Variants in AOAH observed in about 807,000 individuals in gnomAD.
The protein encoded by AOAH is acyloxyacyl hydrolase.
Under a neutral mutation model 92.2 loss-of-function variants are expected in AOAH, and 64 were observed. The ratio of observed to expected loss-of-function variants is 0.69; its 90% CI spans 0.57 to 0.86. AOAH has a LOEUF of 0.86. Among genes scored for constraint, AOAH ranks in the 40% least tolerant of loss-of-function variants. AOAH has a pLI of 0.00. For synonymous variants in AOAH, 263 were observed against 254.5 expected, an observed-to-expected ratio of 1.03 and a Z score of -0.32; for missense variants, 656 against 694.6, an observed-to-expected ratio of 0.94 and a Z score of 0.62.
chr7:36,595,370 C>CA lies in AOAH; in HGVS notation c.847-941dup, dbSNP rs1428224325. ...GCAACATAGTTAAAATTGGTTTCTACAAAAAATAACAAATTTGCTAGGTAT... is the reference window on the plus strand; with the variant it reads ...GCAACATAGTTAAAATTGGTTTCTACAAAAAAATAACAAATTTGCTAGGTAT... On this transcript the variant is annotated intron_variant, in intron 11 of 20. Coordinates refer to ENST00000617537, the MANE Select transcript of AOAH (RefSeq NM_001637.4). Among the ~76,000 whole-genome samples, 4 of 152,128 alleles carry CA rather than the reference C, an allele frequency of 2.6e-5. No homozygotes were observed. In the South Asian group the frequency reaches 6.2e-4, roughly 24 times the overall value.
In AOAH at chr7:36,513,077, G is replaced by A. The variant is rs753596877; in HGVS notation, c.*175C>T. ...GGGTTACTGATCCCGGGAGCACACA[G>A]CATTGCACAGTCGTCCAGATATGCT... On this transcript the variant is annotated 3_prime_UTR_variant, in exon 21 of 21. Transcript: ENST00000617537. 2 of 1,563,442 alleles carry A rather than the reference G, an allele frequency of 1.3e-6. No individual in the cohort carries two copies. The highest frequency in any genetic ancestry group is 1.1e-5 in the South Asian group (1 of 87,080).
chr7:36,543,935 C>CTTTT (rs778278144), intron 15 of AOAH, among the ~76,000 whole-genome samples: 2 of 92,326 alleles, frequency 2.2e-5, no homozygotes, highest in African/African-American at 4.3e-5. Flanking sequence ...TTTCTTTTTT[C>CTTTT]TTTCTTTCTT....
chr7:36,645,639 C>A (rs951935005), intron 4 of AOAH, among the ~76,000 whole-genome samples: 3 of 152,104 alleles, frequency 2.0e-5, no homozygotes, highest in Non-Finnish European at 2.9e-5. Context: ...CCTACAGTGG[C>A]AATTTTCCAA....
At chr7:36,694,859 T>TG (rs1797616754) in intron 1 of AOAH, among the ~76,000 whole-genome samples, 1 of 152,038 alleles carries the variant, frequency 6.6e-6, no homozygotes, top group African/African-American at 2.4e-5. Flanking sequence ...AGTGGATGGA[T>TG]AGATTGATGG....
At chr7:36,572,706 A>G (rs1788222317) in intron 13 of AOAH, among the ~76,000 whole-genome samples, 1 of 152,200 alleles carries the variant, frequency 6.6e-6, no homozygotes, top group Admixed American at 6.5e-5. Context: ...AAGCTCAGGT[A>G]TGTACCGTTC....
At chr7:36,531,770 G>A (rs749123589) in intron 18 of AOAH, among the ~76,000 whole-genome samples, 6 of 152,196 alleles carry the variant, frequency 3.9e-5, no homozygotes, top group Non-Finnish European at 8.8e-5. Context: ...GAGAACTTCT[G>A]TCATGCATAG....
chr7:36,654,830 A>ACTT (rs1794782434), intron 4 of AOAH, among the ~76,000 whole-genome samples: 1 of 152,144 alleles, frequency 6.6e-6, no homozygotes, highest in South Asian at 2.1e-4. Flanking sequence ...GAGAATTTGG[A>ACTT]CTTTTAAGAA....
intron 12 of AOAH, among the ~76,000 whole-genome samples, chr7:36,580,642 T>C (rs1248792024): frequency 3.3e-5 from 5 of 152,246 alleles, no homozygotes. Flanking sequence ...AGATGTGTGA[T>C]GATCCTGGGT....
intron 2 of AOAH, among the ~76,000 whole-genome samples, chr7:36,681,790 G>T (rs933556476): frequency 3.3e-5 from 5 of 152,156 alleles, no homozygotes; most frequent in African/African-American, 1.2e-4. Flanking sequence ...GACAGAGCAA[G>T]ACTCTGTCTC....
intron 9 of AOAH, among the ~76,000 whole-genome samples, chr7:36,618,710 C>T (rs73107131): frequency 0.055 from 8,422 of 152,226 alleles, 366 homozygotes; most frequent in South Asian, 0.16. Flanking sequence ...GTCTAAGTGT[C>T]CTGACATCTT....
intron 11 of AOAH, among the ~76,000 whole-genome samples, chr7:36,610,243 AG>A (rs1205376572): frequency 6.6e-6 from 1 of 151,050 alleles, no homozygotes; most frequent in Non-Finnish European, 1.5e-5. Flanking sequence ...GCCCCTGAAA[AG>A]GTCATTACAG....
intron 3 of AOAH, among the ~76,000 whole-genome samples, chr7:36,663,815 C>T (rs1795364897): frequency 6.6e-6 from 1 of 152,158 alleles, no homozygotes; most frequent in African/African-American, 2.4e-5. Context: ...TGGGTAAATA[C>T]CCAGCGGTAT....
chr7:36,707,998 G>T (rs565314997), intron 1 of AOAH, among the ~76,000 whole-genome samples: 6 of 151,956 alleles, frequency 3.9e-5, no homozygotes, highest in Non-Finnish European at 7.4e-5. Context: ...TTGTTACGTT[G>T]CCCAGGCTTG....
At chr7:36,522,293 G>A (rs2115837627) in intron 19 of AOAH, among the ~76,000 whole-genome samples, 178 bp from the exon 20 acceptor site, 1 of 152,364 alleles carries the variant, frequency 6.6e-6, no homozygotes, top group East Asian at 1.9e-4. Context: ...TCTTCCCGCT[G>A]TGTGTGTGCT....
chr7:36,678,091 G>C (rs753879032), intron 2 of AOAH, among the ~76,000 whole-genome samples: 2 of 152,214 alleles, frequency 1.3e-5, no homozygotes, highest in Non-Finnish European at 2.9e-5. Flanking sequence ...CTTTAAATGA[G>C]TGAACTGTAC....
chr7:36,517,227 TC>T lies in AOAH; in HGVS notation c.1600-3848del, dbSNP rs1783821194. On this transcript the variant is annotated intron_variant, in intron 20 of 20. Coordinates refer to ENST00000617537, the MANE Select transcript of AOAH (RefSeq NM_001637.4). ...CTTTCTTTCTTTCTCTTTCTTTCTG[TC>T]TCTCTCTCTCTCTCTCTTTCTTTCT... 2.9e-4 allele frequency among the ~76,000 whole-genome samples: 8 copies of T among 27,732 alleles called. 1 individual carries two copies. Among genetic ancestry groups the T allele is most frequent in the Admixed American group, 2.7e-3 (6 of 2,196 alleles). 18.2% of individuals were successfully genotyped at this position (27,732 alleles called of 152,430 possible). A position where few individuals can be genotyped will look rare whatever the true frequency, so the allele number is the denominator to read the frequency against.
chr7:36,646,701 C>G (rs1400271236), intron 4 of AOAH, among the ~76,000 whole-genome samples: 1 of 152,178 alleles, frequency 6.6e-6, no homozygotes, highest in Non-Finnish European at 1.5e-5. Context: ...TGTAGGTTCC[C>G]AGGGAGAACC....
chr7:36,532,116 G>T, intron 18 of AOAH, 31 bp downstream of exon 18: 1 of 1,611,494 alleles, frequency 6.2e-7, no homozygotes, highest in Non-Finnish European at 8.5e-7. Flanking sequence ...AATGATCAAA[G>T]ATGGTATCAA....
At chr7:36,558,029 G>A (rs1361868648) in intron 13 of AOAH, among the ~76,000 whole-genome samples, 1 of 152,240 alleles carries the variant, frequency 6.6e-6, no homozygotes, top group Non-Finnish European at 1.5e-5. Flanking sequence ...TGCTGGTGAG[G>A]AGCTGTGTTC....
Sources: gnomAD v4.1 joint callset for allele counts (sites outside exome capture counted in the v4.1 genomes callset) on GRCh38, gnomAD v4.1.1 for gene constraint, MANE v1.5 for transcripts, NCBI Gene and HGNC (gene_info 2026-07-23, HGNC 2026-07-21) for gene names.